The following PKHD1L1 variants were observed in gnomAD, a reference collection of about 807,000 sequenced individuals.
The protein encoded by PKHD1L1 is PKHD1 like 1.
A neutral mutation model predicts 462.9 loss-of-function variants in PKHD1L1; 434 were observed. The ratio of observed to expected loss-of-function variants is 0.94; its 90% CI spans 0.87 to 1.02. The LOEUF is 1.02. Ranked by LOEUF, PKHD1L1 falls within the 50% of genes least tolerant of loss-of-function variation. The pLI is 0.00. For missense variants in PKHD1L1, 5,202 were observed against 5,096.1 expected (o/e 1.02, Z -0.63); for synonymous variants, 1,781 against 1,750.0 (o/e 1.02, Z -0.44).
At chr8:109,400,630 A>G (rs1025210388) in intron 13 of PKHD1L1, among the ~76,000 whole-genome samples, 3 of 152,096 alleles carry the variant, frequency 2.0e-5, no homozygotes, top group Non-Finnish European at 2.9e-5. Context: ...AGAATTATAC[A>G]TTTAATTTCA....
intron 41 of PKHD1L1, among the ~76,000 whole-genome samples, chr8:109,451,761 A>G (rs961888239): frequency 6.6e-6 from 1 of 152,212 alleles, no homozygotes; most frequent in African/African-American, 2.4e-5. Context: ...GTTAAGTTCT[A>G]AAGTCCACAA....
At chr8:109,375,151 A>G (rs757018427) in intron 2 of PKHD1L1, among the ~76,000 whole-genome samples, 1 of 152,276 alleles carries the variant, frequency 6.6e-6, no homozygotes, top group Non-Finnish European at 1.5e-5. Context: ...TTAGACGTAG[A>G]TTTGGTCTTT....
intron 28 of PKHD1L1, among the ~76,000 whole-genome samples, chr8:109,434,054 T>C (rs1586501210): frequency 6.6e-6 from 1 of 151,518 alleles, no homozygotes; most frequent in South Asian, 2.1e-4. Flanking sequence ...TAAGTGGGAG[T>C]TGAACAATGA....
chr8:109,419,158 G>A lies in PKHD1L1; in HGVS notation c.2422G>A (p.Val808Ile), dbSNP rs977819047. 1.2e-6 allele frequency: 2 copies of A among 1,613,386 alleles called. No individual in the cohort carries two copies. Among genetic ancestry groups the A allele is most frequent in the Non-Finnish European group, 1.7e-6 (2 of 1,179,598 alleles). Residue 808 changes from valine (V) to isoleucine (I), a missense_variant, in exon 22 of 78, where the codon GTT becomes ATT. This residue lies in a region of PKHD1L1 where 4,497 missense variants were observed against 4,336.8 expected (regional missense o/e 1.04). Coordinates refer to ENST00000378402, the MANE Select transcript of PKHD1L1 (RefSeq NM_177531.6). ...LVRTKYTGTN[V>I]SLQRISLHKA... ...AAGAACGAAATACACTGGGACAAAT[G>A]TTTCTCTTCAGAGGATTAGCTTACA...
rs1479915386 is a variant in PKHD1L1, at chr8:109,394,603, G to A, written c.811+118G>A. On this transcript the variant is annotated intron_variant, in intron 10 of 77. Coordinates refer to ENST00000378402, the MANE Select transcript of PKHD1L1 (RefSeq NM_177531.6). The stretch of plus-strand genomic sequence containing the variant: ...ATTATATTATTTGATGTACTGCTAG[G>A]AAAGGAAAAATCCCTAAGATGGGGA... 17 of 605,270 alleles carry A rather than the reference G, an allele frequency of 2.8e-5. No individual in the cohort carries two copies. In the Admixed American group the frequency reaches 5.9e-4, roughly 21 times the overall value. The allele number at this position is 605,270 out of a possible 1,614,324, so 37.5% of individuals were successfully genotyped here.
At chr8:109,398,630 A>G in intron 12 of PKHD1L1, 82 bp downstream of exon 12, 1 of 558,448 alleles carries the variant, frequency 1.8e-6, no homozygotes, top group Non-Finnish European at 2.7e-6. Context: ...TTAAATTTTT[A>G]GAATTTAGAA....
At chr8:109,382,147 C>G (rs1812153743) in intron 3 of PKHD1L1, among the ~76,000 whole-genome samples, 1 of 151,938 alleles carries the variant, frequency 6.6e-6, no homozygotes, top group African/African-American at 2.4e-5. Context: ...ACTGATTGTA[C>G]CGAGGTGATA....
intron 21 of PKHD1L1, among the ~76,000 whole-genome samples, chr8:109,417,626 C>A (rs1814250315): frequency 6.6e-6 from 1 of 152,144 alleles, no homozygotes; most frequent in African/African-American, 2.4e-5. Context: ...TCACTGCAAC[C>A]TCCACCTCCC....
chr8:109,374,099 G>A lies in PKHD1L1; in HGVS notation c.164-7271G>A, dbSNP rs190792993. Among the ~76,000 whole-genome samples the A allele has an allele frequency of 6.7e-4, 102 of 152,234 alleles. 1 individual carries two copies. The highest frequency in any genetic ancestry group is 2.3e-3 in the African/African-American group (94 of 41,536). ...CGTTGATCTGTCTAATGTTGACAGT[G>A]GGGTGTTAGACTCCCATTATTATTG... is the stretch of plus-strand genomic sequence containing the variant. On this transcript the variant is annotated intron_variant, in intron 2 of 77. Transcript: ENST00000378402.
chr8:109,467,040 A>T (rs1173102325), intron 50 of PKHD1L1, among the ~76,000 whole-genome samples: 1 of 152,092 alleles, frequency 6.6e-6, no homozygotes, highest in Admixed American at 6.6e-5. Flanking sequence ...CCCTTGGAGC[A>T]AGTAAAAATG....
chr8:109,379,174 C>CA (rs1380468720), intron 2 of PKHD1L1, among the ~76,000 whole-genome samples: 2 of 152,156 alleles, frequency 1.3e-5, no homozygotes, highest in African/African-American at 4.8e-5. Context: ...TACCACTCCT[C>CA]AAAAAGTCCA....
In PKHD1L1 at chr8:109,530,410, A is replaced by G. The variant is rs1821012018; in HGVS notation, c.*320A>G. 1 of 172,858 alleles carries G rather than the reference A, an allele frequency of 5.8e-6. No homozygotes were observed. The highest frequency in any genetic ancestry group is 1.5e-4 in the East Asian group (1 of 6,534). 10.7% of individuals were successfully genotyped at this position (172,858 alleles called of 1,614,324 possible). ...TTTAAATAATGGAAAGAGCTTGTCT[A>G]GTTCCGACTTAAGCTCTTTACATCA... On this transcript the variant is annotated 3_prime_UTR_variant, in exon 78 of 78. Coordinates refer to ENST00000378402, the MANE Select transcript of PKHD1L1 (RefSeq NM_177531.6).
chr8:109,520,065 G>C (rs572263971), intron 73 of PKHD1L1, among the ~76,000 whole-genome samples: 3 of 152,222 alleles, frequency 2.0e-5, no homozygotes, highest in African/African-American at 4.8e-5. Flanking sequence ...TTCTTCCATT[G>C]GGGGGATAAG....
At chr8:109,458,268 T>C (rs922304356) in intron 46 of PKHD1L1, among the ~76,000 whole-genome samples, 3 of 152,164 alleles carry the variant, frequency 2.0e-5, no homozygotes, top group Admixed American at 6.6e-5. Context: ...GGTCTGCCCT[T>C]GGCATGTCTC....
intron 48 of PKHD1L1, among the ~76,000 whole-genome samples, chr8:109,463,699 A>T (rs1166487673): frequency 1.3e-5 from 2 of 152,176 alleles, no homozygotes; most frequent in Non-Finnish European, 2.9e-5. Context: ...GTTTAAATGG[A>T]ACTTTGTAAC....
chr8:109,448,187 T>C lies in PKHD1L1; in HGVS notation c.5821T>C (p.Phe1941Leu), dbSNP rs200826919. Residue 1941 changes from phenylalanine to leucine, a missense_variant, in exon 39 of 78, where the codon TTT (phenylalanine) becomes CTT (leucine). Phe to Leu is a conservative substitution (Grantham distance 22). Coordinates refer to ENST00000378402, the MANE Select transcript of PKHD1L1 (RefSeq NM_177531.6). Reference protein sequence around the residue: ...EIEITGSNFGFEILEISVMIN... With the variant: ...EIEITGSNFGLEILEISVMIN... ...TGAGATCACTGGATCCAACTTTGGC[T>C]TTGAGATCTTGGAAATCTCCGTGAT... 1,177 of 1,611,860 alleles carry C rather than the reference T, an allele frequency of 7.3e-4. No homozygotes were observed. Among genetic ancestry groups the C allele is most frequent in the Non-Finnish European group, 9.1e-4 (1,078 of 1,178,782 alleles).
In PKHD1L1 at chr8:109,456,247, G is replaced by T. The variant is rs767011582; in HGVS notation, c.6875-15G>T. 1 of 1,607,800 alleles carries T rather than the reference G, an allele frequency of 6.2e-7. No individual in the cohort carries two copies. On this transcript the variant is annotated splice_polypyrimidine_tract_variant and intron_variant, in intron 45 of 77. Coordinates refer to ENST00000378402, the MANE Select transcript of PKHD1L1 (RefSeq NM_177531.6). ...ACACATGTAAGGAAATACTCAGTGT[G>T]TATGTTGGTTCTAGGTGTGCCTGTT... is the stretch of plus-strand genomic sequence containing the variant.
At chr8:109,429,112 G>A (rs1471052099) in intron 25 of PKHD1L1, among the ~76,000 whole-genome samples, 1 of 152,004 alleles carries the variant, frequency 6.6e-6, no homozygotes, top group Non-Finnish European at 1.5e-5. Flanking sequence ...AGTTGTAATT[G>A]ATGCAATGTA....
chr8:109,476,550 C>T lies in PKHD1L1; in HGVS notation c.8800C>T (p.Pro2934Ser), dbSNP rs1157344958. 6.5e-7 allele frequency: 1 copy of T among 1,533,658 alleles called. No individual in the cohort carries two copies. ...VIISHNFTQNPDMFNIIDMRN... is the reference protein window; with the variant it reads ...VIISHNFTQNSDMFNIIDMRN... The stretch of plus-strand genomic sequence containing the variant: ...TATATCACATAACTTCACTCAAAAT[C>T]CTGACATGTTTAATATTATTGATAT... Residue 2934 changes from proline (P) to serine (S), a missense_variant, in exon 52 of 78, where the codon CCT (proline) becomes TCT (serine). Physicochemically the swap from Pro to Ser is moderately conservative, Grantham distance 74. Transcript: ENST00000378402.
Sources: gnomAD v4.1 joint callset for allele counts (sites outside exome capture counted in the v4.1 genomes callset) on GRCh38, gnomAD v4.1.1 for gene constraint, gnomAD v4.1.1 regional missense constraint, MANE v1.5 for transcripts, NCBI Gene and HGNC (gene_info 2026-07-23, HGNC 2026-07-21) for gene names.